The following CPXM2 variants were observed in gnomAD, a reference collection of about 807,000 sequenced individuals.
CPXM2 encodes inactive carboxypeptidase-like protein X2.
Under a neutral mutation model 86.1 loss-of-function variants are expected in CPXM2, and 66 were observed. That is an observed-to-expected ratio of 0.77 (90% CI 0.63 to 0.94). CPXM2 has a LOEUF of 0.94. Among genes scored for constraint, CPXM2 ranks in the 40% least tolerant of loss-of-function variants. The probability of loss-of-function intolerance (pLI) is 0.00; values close to 1 mark genes in which losing one functional copy is unlikely to be tolerated. For synonymous variants in CPXM2, 388 were observed against 400.2 expected (o/e 0.97, Z 0.36); for missense variants, 948 against 1,026.3 (o/e 0.92, Z 1.04).
rs141639510 is a variant in CPXM2, at chr10:123,871,850, AAAAC to A, written c.403+8357_403+8360del. Among the ~76,000 whole-genome samples the A allele has an allele frequency of 4.3e-3, 660 of 152,322 alleles. 3 individuals carry two copies. Among genetic ancestry groups the A allele is most frequent in the African/African-American group, 0.015 (623 of 41,568 alleles). On this transcript the variant is annotated intron_variant, in intron 2 of 13. Coordinates refer to ENST00000241305, the MANE Select transcript of CPXM2 (RefSeq NM_198148.3). ...ACTCATATTCATCGTATTTTCAAGA[AAAAC>A]AAACAAACAAACAAAAACCCTCCTA... is the stretch of plus-strand genomic sequence containing the variant.
At chr10:123,889,322 CT>C (rs1945228738) in intron 1 of CPXM2, among the ~76,000 whole-genome samples, 1 of 152,204 alleles carries the variant, frequency 6.6e-6, no homozygotes, top group African/African-American at 2.4e-5. Context: ...AACATCACCT[CT>C]TCGGGGAAGC....
rs1315254077 is a variant in CPXM2, at chr10:123,754,835, C to T, written c.1918-73G>A. On this transcript the variant is annotated intron_variant, in intron 12 of 13. Coordinates refer to ENST00000241305, the MANE Select transcript of CPXM2 (RefSeq NM_198148.3). This position sits in a 1 kb window ranked among gnomAD's most constrained non-coding sequence, Gnocchi z 4.0. The stretch of plus-strand genomic sequence containing the variant: ...GACACAACCGGCACAACAGAGTGGG[C>T]TGTCAACCCACCATTGGCCGGTTCC... The T allele has an allele frequency of 6.0e-6, 5 of 837,992 alleles. No individual in the cohort carries two copies. The highest frequency in any genetic ancestry group is 8.3e-6 in the Non-Finnish European group (4 of 480,046). 51.9% of individuals were successfully genotyped at this position (837,992 alleles called of 1,614,324 possible).
At position 123,877,649 on chromosome 10, in the gene CPXM2, AGGGACTTCC is replaced by A. The variant is rs1945008811; in HGVS notation, c.403+2553_403+2561del. The stretch of plus-strand genomic sequence containing the variant: ...AGGCTCATGGACCAGCCCAAAGCCA[AGGGACTTCC>A]AGCTTTGGCAAAGGGAACTAAAGAG... On this transcript the variant is annotated intron_variant, in intron 2 of 13. Transcript: ENST00000241305. 2.0e-5 allele frequency among the ~76,000 whole-genome samples: 3 copies of A among 152,362 alleles called. No homozygotes were observed. The South Asian group carries it at 6.2e-4, about 32-fold the overall frequency.
chr10:123,906,218 G>A (rs1945439032), intron 2 of CPXM2, among the ~76,000 whole-genome samples: 1 of 152,198 alleles, frequency 6.6e-6, no homozygotes, highest in Non-Finnish European at 1.5e-5. Flanking sequence ...GCACACTACA[G>A]GCTAACCTCG....
chr10:123,922,278 A>G (rs1216398836), intron 2 of CPXM2, among the ~76,000 whole-genome samples: 1 of 152,066 alleles, frequency 6.6e-6, no homozygotes, highest in Non-Finnish European at 1.5e-5. Context: ...TGGTATAGTG[A>G]TTTCTGAAGA....
At chr10:123,879,459 C>T (rs887232451) in intron 2 of CPXM2, among the ~76,000 whole-genome samples, 1 of 152,176 alleles carries the variant, frequency 6.6e-6, no homozygotes. Context: ...TTTTCCTCAT[C>T]TGTAAAGTAT....
chr10:123,751,854 T>C (rs1378806749), intron 13 of CPXM2: 2 of 985,192 alleles, frequency 2.0e-6, no homozygotes, highest in African/African-American at 1.7e-5. Flanking sequence ...ACTGGGAAAT[T>C]ATTTATAGAG....
intron 2 of CPXM2, among the ~76,000 whole-genome samples, chr10:123,936,868 C>G (rs1239496699): frequency 6.6e-6 from 1 of 152,082 alleles, no homozygotes; most frequent in East Asian, 1.9e-4. Context: ...GAGTTCCCTC[C>G]TCTTGACTTT....
At chr10:123,937,587 G>A (rs67250859) in intron 2 of CPXM2, among the ~76,000 whole-genome samples, 69,112 of 151,494 alleles carry the variant, frequency 0.46, 16,822 homozygotes, top group East Asian at 0.71. Context: ...CACTTCCAGG[G>A]ACCAAAGACC....
At chr10:123,857,632 AGATGGAAGGCGGCGTGGAGATGGAAGGCG>A (rs1564800654) in intron 3 of CPXM2, among the ~76,000 whole-genome samples, 36 of 119,582 alleles carry the variant, frequency 3.0e-4, no homozygotes, top group Admixed American at 5.7e-4. Flanking sequence ...GGCGGCGTGG[AGATGGAAGGCGGCGTGGAGATGGAAGGCG>A]GCGTGGAGAT....
At chr10:123,913,368 A>G (rs1285791834) in intron 2 of CPXM2, among the ~76,000 whole-genome samples, 1 of 151,722 alleles carries the variant, frequency 6.6e-6, no homozygotes, top group East Asian at 1.9e-4. Context: ...GTGAATAACA[A>G]GGCTAGAATA....
intron 6 of CPXM2, among the ~76,000 whole-genome samples, chr10:123,782,721 A>G (rs1846963883): frequency 6.6e-6 from 1 of 152,134 alleles, no homozygotes; most frequent in Non-Finnish European, 1.5e-5. Flanking sequence ...GGACAAGAGA[A>G]GCCCTTCCTC....
At chr10:123,893,803 C>T (rs192209480), upstream of CPXM2, among the ~76,000 whole-genome samples, 2 of 152,296 alleles carry the variant, frequency 1.3e-5, no homozygotes, top group Non-Finnish European at 2.9e-5. Context: ...ACACACCCAG[C>T]GTTCCAGCGA....
chr10:123,863,127 C>A (rs1286950521), intron 2 of CPXM2, among the ~76,000 whole-genome samples: 4 of 152,092 alleles, frequency 2.6e-5, no homozygotes, highest in South Asian at 2.1e-4. Flanking sequence ...AGAAAAAAAA[C>A]CTATTGTTTT....
chr10:123,929,030 C>T (rs191344681), intron 2 of CPXM2, among the ~76,000 whole-genome samples: 3 of 152,308 alleles, frequency 2.0e-5, no homozygotes, highest in East Asian at 3.9e-4. Flanking sequence ...ATAGCTGGTA[C>T]CTCTCCTAGG....
At chr10:123,770,064 G>A (rs1219720) in intron 8 of CPXM2, among the ~76,000 whole-genome samples, 50,608 of 151,940 alleles carry the variant, frequency 0.33, 9,458 homozygotes, top group East Asian at 0.62. Context: ...ACCTGAGGTC[G>A]GGAGTTCGAG....
intron 1 of CPXM2, chr10:123,886,981 C>T (rs552222182): frequency 8.8e-4 from 134 of 152,276 alleles, no homozygotes; most frequent in African/African-American, 3.0e-3. Context: ...TATTCATAAC[C>T]CTGGGAGAAT....
At chr10:123,938,958 C>G (rs1443931799) in intron 2 of CPXM2, among the ~76,000 whole-genome samples, 1 of 152,142 alleles carries the variant, frequency 6.6e-6, no homozygotes, top group Non-Finnish European at 1.5e-5. Context: ...CCCACCCTGC[C>G]AAGCCCTCTG....
At chr10:123,936,335 T>C (rs1458391847) in intron 2 of CPXM2, among the ~76,000 whole-genome samples, 1 of 152,070 alleles carries the variant, frequency 6.6e-6, no homozygotes, top group Non-Finnish European at 1.5e-5. Flanking sequence ...CCAAAATCAA[T>C]CAGTAATAAT....
Sources: gnomAD v4.1 joint callset for allele counts (sites outside exome capture counted in the v4.1 genomes callset) on GRCh38, gnomAD v4.1.1 for gene constraint, Gnocchi (gnomAD v3.1) non-coding constraint, MANE v1.5 for transcripts, NCBI Gene and HGNC (gene_info 2026-07-23, HGNC 2026-07-21) for gene names.